AGPAT4: variants seen among roughly 807,000 people sequenced by gnomAD.
AGPAT4 encodes 1-acylglycerol-3-phosphate O-acyltransferase 4.
AGPAT4 carries 15 observed loss-of-function variants against 48.0 expected under a neutral mutation model. That is an observed-to-expected ratio of 0.31 (90% confidence interval 0.21 to 0.48). AGPAT4 has a LOEUF of 0.48. Among genes scored for constraint, AGPAT4 ranks in the 20% least tolerant of loss-of-function variants. The pLI is 0.99. For missense variants in AGPAT4, 314 were observed against 482.5 expected (o/e 0.65, Z 3.27); for synonymous variants, 178 against 198.7 (o/e 0.90, Z 0.88).
chr6:161,147,986 G>A lies in AGPAT4; in HGVS notation c.767+1201C>T, dbSNP rs143630767. ...GGTGATCTGGCTTCGGTGAGTGAAC[G>A]TGCCAGTACCATTTTTGGGCTGATT... is the stretch of plus-strand genomic sequence containing the variant. On this transcript the variant is annotated intron_variant, in intron 6 of 8. Transcript: ENST00000320285. The surrounding 1 kb of genome is among the most constrained non-coding windows in gnomAD (Gnocchi z 4.8). 3.3e-5 allele frequency among the ~76,000 whole-genome samples: 5 copies of A among 152,310 alleles called. No homozygotes were observed. The highest frequency in any genetic ancestry group is 5.9e-5 in the Non-Finnish European group (4 of 68,022).
At chr6:161,145,373 T>G (rs1880367) in intron 7 of AGPAT4, among the ~76,000 whole-genome samples, 41,012 of 151,316 alleles carry the variant, frequency 0.27, 7,393 homozygotes, top group African/African-American at 0.48. Flanking sequence ...TGTAAGGGGA[T>G]ACCAGAGAGC....
Position 161,142,404 on chromosome 6 carries a change from C to T in AGPAT4, c.844-2784G>A, listed in dbSNP as rs1423404071. ...CGTGTTTTTTGTTTTTGTGTGTTAC[C>T]GTGTGGCATAGTATAAAGTTGGAAC... On this transcript the variant is annotated intron_variant, in intron 7 of 8. Coordinates refer to ENST00000320285, the MANE Select transcript of AGPAT4 (RefSeq NM_020133.3). This position sits in a 1 kb window ranked among gnomAD's most constrained non-coding sequence, Gnocchi z 6.4. 6.6e-6 allele frequency among the ~76,000 whole-genome samples: 1 copy of T among 152,098 alleles called. No individual in the cohort carries two copies. The highest frequency in any genetic ancestry group is 1.9e-4 in the East Asian group (1 of 5,190).
Position 161,212,461 on chromosome 6 carries a change from A to G in AGPAT4, c.178+19575T>C, listed in dbSNP as rs1390346305. ...AATCCTTTAAGACATTAGATTCCCT[A>G]AAGTCCAAAAGTGACATAATTTGGC... On this transcript the variant is annotated intron_variant, in intron 2 of 8. Coordinates refer to ENST00000320285, the MANE Select transcript of AGPAT4 (RefSeq NM_020133.3). The surrounding 1 kb of genome is among the most constrained non-coding windows in gnomAD (Gnocchi z 6.1). 6.6e-6 allele frequency among the ~76,000 whole-genome samples: 1 copy of G among 152,160 alleles called. No individual in the cohort carries two copies. The highest frequency in any genetic ancestry group is 1.5e-5 in the Non-Finnish European group (1 of 68,010).
chr6:161,131,749 C>T lies in AGPAT4; in HGVS notation c.*4791G>A, dbSNP rs1037103762. 1.3e-5 allele frequency: 2 copies of T among 152,216 alleles called. No homozygotes were observed. Among genetic ancestry groups the T allele is most frequent in the Non-Finnish European group, 2.9e-5 (2 of 68,046 alleles). The allele number at this position is 152,216 out of a possible 1,614,324, so 9.4% of individuals were successfully genotyped here. The stretch of plus-strand genomic sequence containing the variant: ...TTGAATGTCGTGATCGATACTATGT[C>T]AGTTGGTGATGAATGCTGTGAATGG... On this transcript the variant is annotated 3_prime_UTR_variant, in exon 9 of 9. Transcript: ENST00000320285.
intron 5 of AGPAT4, among the ~76,000 whole-genome samples, chr6:161,152,552 C>CA (rs1779623031): frequency 1.3e-5 from 2 of 152,160 alleles, no homozygotes; most frequent in Non-Finnish European, 2.9e-5. Flanking sequence ...CAAGGGGCCC[C>CA]AGATGCAGGC....
chr6:161,212,014 T>G lies in AGPAT4; in HGVS notation c.178+20022A>C, dbSNP rs1406636605. On this transcript the variant is annotated intron_variant, in intron 2 of 8. Coordinates refer to ENST00000320285, the MANE Select transcript of AGPAT4 (RefSeq NM_020133.3). The surrounding 1 kb of genome is among the most constrained non-coding windows in gnomAD (Gnocchi z 6.1). ...TTTTGAAAGATAAAATAAGTTCAGT[T>G]TCTCTATAAATTAATCATTAATGTT... Among the ~76,000 whole-genome samples, 1 of 152,180 alleles carries G rather than the reference T, an allele frequency of 6.6e-6. No homozygotes were observed. Among genetic ancestry groups the G allele is most frequent in the Non-Finnish European group, 1.5e-5 (1 of 68,040 alleles).
In AGPAT4 at chr6:161,262,723, G is replaced by A. The variant is rs1168288333; in HGVS notation, c.-90+11215C>T. On this transcript the variant is annotated intron_variant, in intron 1 of 8. Coordinates refer to ENST00000320285, the MANE Select transcript of AGPAT4 (RefSeq NM_020133.3). This position sits in a 1 kb window ranked among gnomAD's most constrained non-coding sequence, Gnocchi z 4.9. ...CACGGGGGAGTGAGACCCTCATAGT[G>A]AGGGGCACCCTTTGGGTAGCTTCTT... Among the ~76,000 whole-genome samples the A allele has an allele frequency of 2.0e-5, 3 of 152,170 alleles. No individual in the cohort carries two copies. The highest frequency in any genetic ancestry group is 7.2e-5 in the African/African-American group (3 of 41,428).
rs1398891385 is a variant in AGPAT4 at position 161,231,084 on chromosome 6, AT to A, written c.178+951del. ...TTTAAAGGGTATCAAAAATATATCA[AT>A]AATTTTAGACTCTTGGCATAATCTT... On this transcript the variant is annotated intron_variant, in intron 2 of 8. Transcript: ENST00000320285. This position sits in a 1 kb window ranked among gnomAD's most constrained non-coding sequence, Gnocchi z 5.3. Among the ~76,000 whole-genome samples the A allele has an allele frequency of 2.0e-5, 3 of 152,230 alleles. No homozygotes were observed. Among genetic ancestry groups the A allele is most frequent in the Non-Finnish European group, 2.9e-5 (2 of 68,038 alleles).
Position 161,149,354 on chromosome 6 carries a change from A to AC in AGPAT4, c.665-66dup. ...GTGAACCCAATTTTGTTCTGTAGAT[A>AC]CACACATTGGAAGACAATAATCAAA... On this transcript the variant is annotated intron_variant, in intron 5 of 8. Transcript: ENST00000320285. The surrounding 1 kb of genome is among the most constrained non-coding windows in gnomAD (Gnocchi z 6.5). The AC allele has an allele frequency of 7.0e-7, 1 of 1,418,544 alleles. No homozygotes were observed. The highest frequency in any genetic ancestry group is 9.5e-7 in the Non-Finnish European group (1 of 1,055,452). The allele number at this position is 1,418,544 out of a possible 1,614,324, so 87.9% of individuals were successfully genotyped here. A position where few individuals can be genotyped will look rare whatever the true frequency, so the allele number is the denominator to read the frequency against.
At chr6:161,168,520 G>C (rs1275438734) in intron 2 of AGPAT4, among the ~76,000 whole-genome samples, 2 of 151,936 alleles carry the variant, frequency 1.3e-5, no homozygotes, top group African/African-American at 2.4e-5. Context: ...CCCTACTATA[G>C]AGCACGGGCG....
In AGPAT4 at chr6:161,216,514, G is replaced by C. The variant is rs9458156; in HGVS notation, c.178+15522C>G. Among the ~76,000 whole-genome samples the C allele has an allele frequency of 0.18, 27,003 of 152,052 alleles. 2,946 individuals carry two copies. Among genetic ancestry groups the C allele is most frequent in the East Asian group, 0.42 (2,175 of 5,156 alleles). ...CTCCACTGTGGAAACCAAAATGCTG[G>C]GGCAGCATCAGCCCCGACGCCCCAG... On this transcript the variant is annotated intron_variant, in intron 2 of 8. Transcript: ENST00000320285. The surrounding 1 kb of genome is among the most constrained non-coding windows in gnomAD (Gnocchi z 4.8).
rs1779357911 is a variant in AGPAT4 at position 161,144,594 on chromosome 6, C to A, written c.843+1930G>T. On this transcript the variant is annotated intron_variant, in intron 7 of 8. Coordinates refer to ENST00000320285, the MANE Select transcript of AGPAT4 (RefSeq NM_020133.3). This position sits in a 1 kb window ranked among gnomAD's most constrained non-coding sequence, Gnocchi z 6.6. ...TCCTTTGCCTTGATGGGCTTGAGGG[C>A]CCACGTTTATTGTAGATTTGTTTGT... is the stretch of plus-strand genomic sequence containing the variant. 6.7e-6 allele frequency among the ~76,000 whole-genome samples: 1 copy of A among 149,156 alleles called. No individual in the cohort carries two copies. Among genetic ancestry groups the A allele is most frequent in the South Asian group, 2.1e-4 (1 of 4,802 alleles).
chr6:161,253,476 G>A (rs1268129557), intron 1 of AGPAT4, among the ~76,000 whole-genome samples: 1 of 151,268 alleles, frequency 6.6e-6, no homozygotes, highest in Non-Finnish European at 1.5e-5. Flanking sequence ...GTATGGTCTC[G>A]ATCTCCTGAC....
chr6:161,245,465 G>A lies in AGPAT4; in HGVS notation c.-89-13163C>T, dbSNP rs561448155. Among the ~76,000 whole-genome samples, 7 of 152,300 alleles carry A rather than the reference G, an allele frequency of 4.6e-5. No individual in the cohort carries two copies. Among genetic ancestry groups the A allele is most frequent in the East Asian group, 1.9e-4 (1 of 5,184 alleles). ...GTGCTTCTGATTCATGGAAACTAAC[G>A]TGGCATTAAGCACCCTAGAGGGATC... On this transcript the variant is annotated intron_variant, in intron 1 of 8. Coordinates refer to ENST00000320285, the MANE Select transcript of AGPAT4 (RefSeq NM_020133.3). This position sits in a 1 kb window ranked among gnomAD's most constrained non-coding sequence, Gnocchi z 5.2.
chr6:161,219,802 T>C lies in AGPAT4; in HGVS notation c.178+12234A>G, dbSNP rs1018299171. 4.0e-5 allele frequency among the ~76,000 whole-genome samples: 6 copies of C among 148,626 alleles called. No individual in the cohort carries two copies. The highest frequency in any genetic ancestry group is 1.5e-4 in the African/African-American group (6 of 39,808). On this transcript the variant is annotated intron_variant, in intron 2 of 8. Coordinates refer to ENST00000320285, the MANE Select transcript of AGPAT4 (RefSeq NM_020133.3). The surrounding 1 kb of genome is among the most constrained non-coding windows in gnomAD (Gnocchi z 4.9). ...TCATTTCTTGTACCAGGGACACAGA[T>C]TCACAGTAAAAAAGATAGACAGAGA...
intron 2 of AGPAT4, among the ~76,000 whole-genome samples, chr6:161,188,580 A>C (rs1218229714): frequency 6.6e-6 from 1 of 152,218 alleles, no homozygotes; most frequent in East Asian, 1.9e-4. Context: ...CGCAATACTA[A>C]ACGACATTAT....
Position 161,130,696 on chromosome 6 carries a change from G to A in AGPAT4, c.*5844C>T, listed in dbSNP as rs1778872927. 1 of 335,942 alleles carries A rather than the reference G, an allele frequency of 3.0e-6. No individual in the cohort carries two copies. The highest frequency in any genetic ancestry group is 2.4e-5 in the South Asian group (1 of 41,016). The allele number at this position is 335,942 out of a possible 1,614,324, so 20.8% of individuals were successfully genotyped here. On this transcript the variant is annotated 3_prime_UTR_variant, in exon 9 of 9. Transcript: ENST00000320285. ...ACATCTGTTGACTGTGGGCGGCCTG[G>A]GCCAGCCTTGCTGTGTTTGCCTCAG...
At chr6:161,194,620 A>G (rs893882697) in intron 2 of AGPAT4, among the ~76,000 whole-genome samples, 1 of 143,812 alleles carries the variant, frequency 7.0e-6, no homozygotes. Context: ...GTATGTGTAC[A>G]TGTGTGTATG....
Position 161,136,407 on chromosome 6 carries a change from G to A in AGPAT4, c.*133C>T. On this transcript the variant is annotated 3_prime_UTR_variant, in exon 9 of 9. Coordinates refer to ENST00000320285, the MANE Select transcript of AGPAT4 (RefSeq NM_020133.3). Reference sequence around the variant, plus strand: ...ATCCGGCCTTGAGACCAGACTCCCTGGCTGGAGAGGTCGTGACTTCCGCCG... The same window carrying A: ...ATCCGGCCTTGAGACCAGACTCCCTAGCTGGAGAGGTCGTGACTTCCGCCG... 1.4e-6 allele frequency: 1 copy of A among 713,546 alleles called. No individual in the cohort carries two copies. 44.2% of individuals were successfully genotyped at this position (713,546 alleles called of 1,614,324 possible). A position where few individuals can be genotyped will look rare whatever the true frequency, so the allele number is the denominator to read the frequency against.
Sources: gnomAD v4.1 joint callset for allele counts (sites outside exome capture counted in the v4.1 genomes callset) on GRCh38, gnomAD v4.1.1 for gene constraint, Gnocchi (gnomAD v3.1) non-coding constraint, MANE v1.5 for transcripts, NCBI Gene and HGNC (gene_info 2026-07-23, HGNC 2026-07-21) for gene names.